The following SH3PXD2B variants were observed in gnomAD, a reference collection of about 807,000 sequenced individuals.
SH3PXD2B encodes SH3 and PX domains 2B, also known as SH3 and PX domain-containing protein 2B.
In SH3PXD2B, 37 loss-of-function variants were observed where a neutral mutation model predicts 73.1. The ratio of observed to expected loss-of-function variants is 0.51; its 90% confidence interval spans 0.39 to 0.67. The LOEUF (loss-of-function observed/expected upper bound fraction) is 0.67. Among genes scored for constraint, SH3PXD2B ranks in the 30% least tolerant of loss-of-function variants. The pLI is 0.00. For missense variants in SH3PXD2B, 1,053 were observed against 1,197.8 expected (o/e 0.88, Z 1.78); for synonymous variants, 457 against 480.5 (o/e 0.95, Z 0.64).
chr5:172,375,592 T>C (rs1251058503), intron 5 of SH3PXD2B, among the ~76,000 whole-genome samples: 1 of 152,232 alleles, frequency 6.6e-6, no homozygotes, highest in Non-Finnish European at 1.5e-5. Flanking sequence ...TTCATATAAA[T>C]AGAATCATAT....
At position 172,345,080 on chromosome 5, in the gene SH3PXD2B, G is replaced by GGGAAGGAAGAAGGGAAGGAA. The variant is rs60915313; in HGVS notation, c.1188+1055_1188+1056insTTCCTTCCCTTCTTCCTTCC. Among the ~76,000 whole-genome samples the GGGAAGGAAGAAGGGAAGGAA allele has an allele frequency of 4.1e-3, 592 of 144,738 alleles. 21 individuals are homozygous for GGGAAGGAAGAAGGGAAGGAA. Among genetic ancestry groups the GGGAAGGAAGAAGGGAAGGAA allele is most frequent in the African/African-American group, 0.015 (553 of 36,194 alleles). 95.0% of individuals were successfully genotyped at this position (144,738 alleles called of 152,430 possible). On this transcript the variant is annotated intron_variant, in intron 12 of 12. Coordinates refer to ENST00000311601, the MANE Select transcript of SH3PXD2B (RefSeq NM_001017995.3). ...GGAAGGAGGAAGGAGGAAGGAAGGA[G>GGGAAGGAAGAAGGGAAGGAA]GGAGGGAAGGAAAGAAGGAGGGAAG...
chr5:172,365,486 C>T (rs1160920282), intron 6 of SH3PXD2B, among the ~76,000 whole-genome samples: 1 of 152,174 alleles, frequency 6.6e-6, no homozygotes, highest in East Asian at 1.9e-4. Context: ...CTGAGGCCTG[C>T]GGGCTCTCCT....
intron 7 of SH3PXD2B, among the ~76,000 whole-genome samples, chr5:172,360,787 G>A (rs998328481): frequency 3.3e-5 from 5 of 152,154 alleles, no homozygotes; most frequent in African/African-American, 1.2e-4. Flanking sequence ...AGCCAAGATC[G>A]TGCCACTGCA....
chr5:172,377,955 C>A (rs1215384204), intron 5 of SH3PXD2B, among the ~76,000 whole-genome samples: 2 of 152,192 alleles, frequency 1.3e-5, no homozygotes, highest in African/African-American at 2.4e-5. Context: ...AATGCCAGTG[C>A]CCTTGGCTGG....
intron 6 of SH3PXD2B, among the ~76,000 whole-genome samples, chr5:172,372,456 T>C (rs1282217985): frequency 6.6e-6 from 1 of 152,170 alleles, no homozygotes; most frequent in Non-Finnish European, 1.5e-5. Context: ...GTGCTTCCCG[T>C]ACAGCCTGCA....
chr5:172,373,896 C>T (rs1757765892), intron 5 of SH3PXD2B, 81 bp from the exon 6 acceptor site: 3 of 1,484,102 alleles, frequency 2.0e-6, no homozygotes, highest in Non-Finnish European at 2.8e-6. Context: ...TGCCGGGAAA[C>T]TGAGATTCTC....
Position 172,338,661 on chromosome 5 carries a change from TG to T in SH3PXD2B, c.2443del (p.Gln815ArgfsTer36), listed in dbSNP as rs750626530. The stretch of plus-strand genomic sequence containing the variant: ...GCTGCCTTTGCCTCGCGTGTCATCC[TG>T]GCCCCCCAAAGAGTTGGAGAGAAAA... ...KPFLSNSLGGQDDTRGKGSLG... is the reference protein window; with the variant it reads ...KPFLSNSLGGXDDTRGKGSLG... On this transcript the variant is annotated frameshift_variant, in exon 13 of 13. Transcript: ENST00000311601. LOFTEE classifies it high-confidence loss of function. The surrounding 1 kb of genome is among the most constrained non-coding windows in gnomAD (Gnocchi z 5.1). The T allele has an allele frequency of 1.2e-6, 2 of 1,614,208 alleles. No homozygotes were observed.
In SH3PXD2B at chr5:172,334,668, CT is replaced by C; in HGVS notation, c.*3700del. On this transcript the variant is annotated 3_prime_UTR_variant, in exon 13 of 13. Coordinates refer to ENST00000311601, the MANE Select transcript of SH3PXD2B (RefSeq NM_001017995.3). ...GGGTCCAGCTACGAATGTTTTTGTT[CT>C]TGATGTCAAGTTGCCAGCTACTGGA... The C allele has an allele frequency of 1.0e-6, 1 of 985,494 alleles. No homozygotes were observed. Among genetic ancestry groups the C allele is most frequent in the African/African-American group, 1.7e-5 (1 of 57,356 alleles). The allele number at this position is 985,494 out of a possible 1,614,324, so 61.0% of individuals were successfully genotyped here.
rs774915810 is a variant in SH3PXD2B, at chr5:172,338,844, C to T, written c.2261G>A (p.Arg754Lys). The change falls in exon 13 of 13, where the codon AGA becomes AAA. Residue 754 changes from arginine (R) to lysine (K), a missense_variant. Physicochemically the swap from Arg to Lys is conservative, Grantham distance 26. This residue lies in a region of SH3PXD2B where 587 missense variants were observed against 590.7 expected (regional missense o/e 0.99). Coordinates refer to ENST00000311601, the MANE Select transcript of SH3PXD2B (RefSeq NM_001017995.3). The surrounding 1 kb of genome is among the most constrained non-coding windows in gnomAD (Gnocchi z 5.1). ...PVPLQEAPQQRPVVPPRRPPP... is the reference protein window; with the variant it reads ...PVPLQEAPQQKPVVPPRRPPP... Reference sequence around the variant, plus strand: ...TGGTCTGCGGGGTGGGACCACAGGTCTCTGCTGGGGAGCCTCTTGGAGAGG... The same window carrying T: ...TGGTCTGCGGGGTGGGACCACAGGTTTCTGCTGGGGAGCCTCTTGGAGAGG... The T allele has an allele frequency of 2.5e-6, 4 of 1,613,782 alleles. No homozygotes were observed. The South Asian group carries it at 4.4e-5, about 18-fold the overall frequency.
At chr5:172,329,540 C>CTTTTTTTTTTTTTTTTTTCTTTTTTTT (rs370876232), downstream of SH3PXD2B, among the ~76,000 whole-genome samples, 1 of 106,460 alleles carries the variant, frequency 9.4e-6, no homozygotes, top group African/African-American at 3.6e-5. Flanking sequence ...CTTTGTTATT[C>CTTTTTTTTTTTTTTTTTTCTTTTTTTT]TTTTTTTTTT....
At chr5:172,422,602 A>G (rs1758997808) in intron 1 of SH3PXD2B, 106 bp from the exon 2 acceptor site, 3 of 1,059,380 alleles carry the variant, frequency 2.8e-6, no homozygotes, top group African/African-American at 1.6e-5. Context: ...CGTGGGTTTC[A>G]GCCTTAGCTC....
chr5:172,438,535 A>T (rs1759446749), intron 1 of SH3PXD2B, among the ~76,000 whole-genome samples: 1 of 152,226 alleles, frequency 6.6e-6, no homozygotes, highest in African/African-American at 2.4e-5. Context: ...TCCAGAGAGT[A>T]ACAATGCTCG....
intron 1 of SH3PXD2B, among the ~76,000 whole-genome samples, chr5:172,426,295 G>C (rs1489705000): frequency 6.6e-6 from 1 of 152,172 alleles, no homozygotes; most frequent in African/African-American, 2.4e-5. Context: ...TGGGTTTGGG[G>C]GCTGGTGAGA....
chr5:172,438,854 T>A (rs17074815), intron 1 of SH3PXD2B, among the ~76,000 whole-genome samples: 3 of 151,768 alleles, frequency 2.0e-5, no homozygotes, highest in Non-Finnish European at 4.4e-5. Context: ...AAAACAAAAT[T>A]TTACTGCGTT....
rs1175634412 is a variant in SH3PXD2B, at chr5:172,336,364, CT to C, written c.*2004del. 2.0e-6 allele frequency: 2 copies of C among 985,706 alleles called. No individual in the cohort carries two copies. The highest frequency in any genetic ancestry group is 2.4e-6 in the Non-Finnish European group (2 of 830,010). The allele number at this position is 985,706 out of a possible 1,614,324, so 61.1% of individuals were successfully genotyped here. ...GCCCTTCCCCACCTCCCTTCTTCCC[CT>C]GGCTGCCATCTGCCCCCAACGCTCT... On this transcript the variant is annotated 3_prime_UTR_variant, in exon 13 of 13. Transcript: ENST00000311601.
At position 172,368,583 on chromosome 5, in the gene SH3PXD2B, TA is replaced by T. The variant is rs1381999135; in HGVS notation, c.427+5206del. Among the ~76,000 whole-genome samples the T allele has an allele frequency of 2.2e-4, 3 of 13,614 alleles. 1 individual carries two copies. Among genetic ancestry groups the T allele is most frequent in the South Asian group, 4.3e-3 (1 of 234 alleles). 8.9% of individuals were successfully genotyped at this position (13,614 alleles called of 152,430 possible). On this transcript the variant is annotated intron_variant, in intron 6 of 12. Coordinates refer to ENST00000311601, the MANE Select transcript of SH3PXD2B (RefSeq NM_001017995.3). ...ATATATATAAAATATGTTATATATATATATAAAATATGTTATATATATAATA... is the reference window on the plus strand; with the variant it reads ...ATATATATAAAATATGTTATATATATTATAAAATATGTTATATATATAATA...
rs1272193028 is a variant in SH3PXD2B at position 172,333,649 on chromosome 5, G to A, written c.*4720C>T. 1 of 1,289,032 alleles carries A rather than the reference G, an allele frequency of 7.8e-7. No individual in the cohort carries two copies. Among genetic ancestry groups the A allele is most frequent in the Admixed American group, 2.3e-5 (1 of 43,504 alleles). The allele number at this position is 1,289,032 out of a possible 1,614,324, so 79.8% of individuals were successfully genotyped here. A position where few individuals can be genotyped will look rare whatever the true frequency, so the allele number is the denominator to read the frequency against. On this transcript the variant is annotated 3_prime_UTR_variant, in exon 13 of 13. Transcript: ENST00000311601. ...CATCCTATATACTCATTTATTTAATGTGTTAAAGGAAACAAAAACCACCAC... is the reference window on the plus strand; with the variant it reads ...CATCCTATATACTCATTTATTTAATATGTTAAAGGAAACAAAAACCACCAC...
At chr5:172,368,453 T>TTA (rs773035950) in intron 6 of SH3PXD2B, among the ~76,000 whole-genome samples, 2 of 80,014 alleles carry the variant, frequency 2.5e-5, no homozygotes, top group South Asian at 4.5e-4. Flanking sequence ...CTAAGAATGC[T>TTA]TATATATATA....
intron 2 of SH3PXD2B, among the ~76,000 whole-genome samples, chr5:172,418,538 G>C (rs1758878703): frequency 6.6e-6 from 1 of 152,246 alleles, no homozygotes; most frequent in African/African-American, 2.4e-5. Flanking sequence ...TGCCAGACAA[G>C]AGGGAGGGGA....
Sources: allele counts gnomAD v4.1 joint callset (sites outside exome capture counted in the v4.1 genomes callset), GRCh38; gene constraint gnomAD v4.1.1; regional missense constraint gnomAD v4.1.1; non-coding constraint Gnocchi (gnomAD v3.1); transcripts MANE v1.5; gene names NCBI Gene and HGNC (gene_info 2026-07-23, HGNC 2026-07-21).